Variants in LRRTM4 observed in about 807,000 individuals in gnomAD.
LRRTM4 encodes the protein leucine rich repeat transmembrane neuronal 4.
LRRTM4 carries 25 observed loss-of-function variants against 47.6 expected under a neutral mutation model. That is an observed-to-expected ratio of 0.53 (90% CI 0.38 to 0.73). The LOEUF (loss-of-function observed/expected upper bound fraction) is 0.73, where lower values mean the gene tolerates loss of function less well. LRRTM4 is among the 30% of genes least tolerant of loss of function. The pLI, the probability that LRRTM4 is intolerant of heterozygous loss-of-function variation, is 0.00. For synonymous variants in LRRTM4, 311 were observed against 269.5 expected, an observed-to-expected ratio of 1.15 and a Z score of -1.51; for missense variants, 638 against 713.4, an observed-to-expected ratio of 0.89 and a Z score of 1.20.
At chr2:76,964,074 C>T (rs1034141398) in intron 3 of LRRTM4, among the ~76,000 whole-genome samples, 3 of 150,756 alleles carry the variant, frequency 2.0e-5, no homozygotes, top group African/African-American at 7.3e-5. Flanking sequence ...TCAAATAAAT[C>T]TTCATAGAAG....
intron 3 of LRRTM4, among the ~76,000 whole-genome samples, chr2:77,182,751 G>A (rs1030714706): frequency 2.4e-4 from 37 of 152,182 alleles, no homozygotes; most frequent in Middle Eastern, 6.8e-3. Context: ...CCTTGCGCCA[G>A]TTTTCAAAGG....
intron 3 of LRRTM4, among the ~76,000 whole-genome samples, chr2:77,205,358 C>T (rs1053120180): frequency 5.3e-5 from 8 of 152,088 alleles, no homozygotes; most frequent in African/African-American, 1.9e-4. Context: ...TAATGGAATG[C>T]AGAGGACTGG....
intron 3 of LRRTM4, among the ~76,000 whole-genome samples, chr2:77,096,145 ATTT>A (rs905891614): frequency 6.6e-6 from 1 of 151,916 alleles, no homozygotes; most frequent in Non-Finnish European, 1.5e-5. Context: ...AAATATAATC[ATTT>A]TTTAATTAAA....
intron 3 of LRRTM4, among the ~76,000 whole-genome samples, chr2:77,264,266 C>A (rs2104049360): frequency 6.6e-6 from 1 of 152,144 alleles, no homozygotes; most frequent in East Asian, 1.9e-4. Context: ...CCTTTGTTCT[C>A]ATGTGGCCTT....
chr2:77,495,620 C>T (rs1376501052), intron 3 of LRRTM4, among the ~76,000 whole-genome samples: 1 of 151,924 alleles, frequency 6.6e-6, no homozygotes, highest in African/African-American at 2.4e-5. Context: ...GGATGGCAAA[C>T]ATCATTTGTT....
At chr2:76,922,567 T>TA (rs1425244103) in intron 3 of LRRTM4, among the ~76,000 whole-genome samples, 3 of 151,988 alleles carry the variant, frequency 2.0e-5, no homozygotes, top group African/African-American at 7.2e-5. Flanking sequence ...TTGTGGACCC[T>TA]AAAAATTTGA....
intron 3 of LRRTM4, among the ~76,000 whole-genome samples, chr2:77,438,702 G>A (rs889200221): frequency 6.6e-6 from 1 of 151,992 alleles, no homozygotes; most frequent in Admixed American, 6.6e-5. Flanking sequence ...CAACGTGCCC[G>A]GCGGATAATG....
intron 3 of LRRTM4, among the ~76,000 whole-genome samples, chr2:76,998,770 T>G (rs922210600): frequency 1.3e-5 from 1 of 77,184 alleles, no homozygotes; most frequent in East Asian, 3.7e-4. Context: ...ATATTTTCTG[T>G]TTTTTTTTTT....
chr2:77,442,337 G>C (rs1055403341), intron 3 of LRRTM4, among the ~76,000 whole-genome samples: 5 of 152,046 alleles, frequency 3.3e-5, no homozygotes, highest in Admixed American at 2.0e-4. Flanking sequence ...TCTTTCTAAG[G>C]AGTATATAAA....
intron 3 of LRRTM4, among the ~76,000 whole-genome samples, chr2:77,206,808 T>C (rs956576098): frequency 1.3e-5 from 2 of 152,142 alleles, no homozygotes; most frequent in Non-Finnish European, 2.9e-5. Context: ...TTTAATTTAA[T>C]TGTTCTCTAT....
intron 3 of LRRTM4, among the ~76,000 whole-genome samples, chr2:77,209,942 C>T (rs897839416): frequency 6.6e-6 from 1 of 152,142 alleles, no homozygotes; most frequent in African/African-American, 2.4e-5. Context: ...AACTCTTTGA[C>T]TCCTGGGTTC....
At chr2:76,940,236 A>T (rs550250006) in intron 3 of LRRTM4, among the ~76,000 whole-genome samples, 1 of 152,196 alleles carries the variant, frequency 6.6e-6, no homozygotes, top group Non-Finnish European at 1.5e-5. Flanking sequence ...CATCGAATCA[A>T]CCTAGAGGTC....
chr2:77,294,994 T>A (rs572591274), intron 3 of LRRTM4, among the ~76,000 whole-genome samples: 2 of 152,282 alleles, frequency 1.3e-5, no homozygotes, highest in African/African-American at 4.8e-5. Flanking sequence ...TTTATGTAAC[T>A]ATCATGAAAA....
At chr2:76,844,619 A>G (rs185656775) in intron 3 of LRRTM4, among the ~76,000 whole-genome samples, 8 of 152,328 alleles carry the variant, frequency 5.3e-5, no homozygotes, top group Middle Eastern at 3.4e-3. Flanking sequence ...GAAGCAAACA[A>G]TGTACCATTT....
At chr2:76,940,304 A>C (rs10209929) in intron 3 of LRRTM4, among the ~76,000 whole-genome samples, 44,047 of 151,998 alleles carry the variant, frequency 0.29, 8,280 homozygotes, top group African/African-American at 0.54. Flanking sequence ...GAACATGCAG[A>C]CATAAAAAAG....
chr2:76,793,767 G>A (rs576453373), intron 3 of LRRTM4, among the ~76,000 whole-genome samples: 3 of 152,202 alleles, frequency 2.0e-5, no homozygotes, highest in Admixed American at 6.5e-5. Flanking sequence ...TATAAACAGT[G>A]AATTGAGATC....
intron 3 of LRRTM4, among the ~76,000 whole-genome samples, chr2:77,239,001 A>AT (rs1302802385): frequency 6.6e-6 from 1 of 151,840 alleles, no homozygotes; most frequent in Non-Finnish European, 1.5e-5. Flanking sequence ...GGTACCCACA[A>AT]TTTTTTTAAA....
chr2:77,076,509 T>A (rs1021807034), intron 3 of LRRTM4, among the ~76,000 whole-genome samples: 6 of 152,144 alleles, frequency 3.9e-5, no homozygotes, highest in Admixed American at 3.9e-4. Flanking sequence ...ACTGTCACGA[T>A]AATGAGAAGG....
chr2:76,999,506 G>C (rs763136905), intron 3 of LRRTM4, among the ~76,000 whole-genome samples: 1 of 151,572 alleles, frequency 6.6e-6, no homozygotes, highest in East Asian at 1.9e-4. Flanking sequence ...CAGATAAACA[G>C]TTTCTCTCAA....
Sources: gnomAD v4.1 joint callset for allele counts (sites outside exome capture counted in the v4.1 genomes callset) on GRCh38, gnomAD v4.1.1 for gene constraint, MANE v1.5 for transcripts, NCBI Gene and HGNC (gene_info 2026-07-23, HGNC 2026-07-21) for gene names.